The following KCNH1 variants were observed in gnomAD, a reference collection of about 807,000 sequenced individuals.
The protein encoded by KCNH1 is voltage-gated delayed rectifier potassium channel KCNH1.
A neutral mutation model predicts 69.2 loss-of-function variants in KCNH1; 27 were observed. The observed-to-expected ratio is 0.39, with a 90% CI of 0.29 to 0.54. KCNH1 has a LOEUF of 0.54. Among genes scored for constraint, KCNH1 ranks in the 20% least tolerant of loss-of-function variants. The probability of loss-of-function intolerance (pLI) is 0.68; values close to 1 mark genes in which losing one functional copy is unlikely to be tolerated. For missense variants in KCNH1, 798 were observed against 1,261.6 expected, an observed-to-expected ratio of 0.63 and a Z score of 5.57; for synonymous variants, 456 against 487.7, an observed-to-expected ratio of 0.93 and a Z score of 0.86.
chr1:211,128,592 ACT>A (rs138212505), intron 1 of KCNH1, among the ~76,000 whole-genome samples: 7,599 of 151,762 alleles, frequency 0.05, 254 homozygotes, highest in Non-Finnish European at 0.075. Context: ...GTCTGGCAAG[ACT>A]CTATTTCTTG....
intron 7 of KCNH1, among the ~76,000 whole-genome samples, chr1:210,823,044 A>C (rs1027778064): frequency 2.0e-5 from 3 of 152,168 alleles, no homozygotes; most frequent in African/African-American, 4.8e-5. Flanking sequence ...CCTGTATTAC[A>C]CAATGATTTC....
intron 7 of KCNH1, among the ~76,000 whole-genome samples, chr1:210,884,826 C>A (rs893612592): frequency 6.6e-6 from 1 of 152,206 alleles, no homozygotes; most frequent in African/African-American, 2.4e-5. Flanking sequence ...GATGGCTTAA[C>A]GGCATATTCA....
chr1:211,007,828 T>C (rs539917035), intron 6 of KCNH1, among the ~76,000 whole-genome samples: 1 of 152,260 alleles, frequency 6.6e-6, no homozygotes, highest in Admixed American at 6.5e-5. Context: ...GAATCTATTG[T>C]TTATAAAGAA....
At chr1:211,122,082 G>A (rs1483432701) in intron 1 of KCNH1, among the ~76,000 whole-genome samples, 1 of 151,962 alleles carries the variant, frequency 6.6e-6, no homozygotes, top group Admixed American at 6.5e-5. Context: ...GGCTTGCAGT[G>A]AGCCAAGATC....
At chr1:210,784,487 T>C (rs1684053942) in intron 9 of KCNH1, among the ~76,000 whole-genome samples, 1 of 152,166 alleles carries the variant, frequency 6.6e-6, no homozygotes, top group Admixed American at 6.5e-5. Flanking sequence ...TAAGGTCTTA[T>C]CTGATTGTGT....
chr1:210,930,785 A>G (rs748759299), intron 6 of KCNH1, among the ~76,000 whole-genome samples: 8 of 152,244 alleles, frequency 5.3e-5, no homozygotes, highest in Admixed American at 1.3e-4. Context: ...CAATCTATAC[A>G]TCTGACAGAG....
chr1:210,755,373 C>A (rs1307219928), intron 10 of KCNH1, among the ~76,000 whole-genome samples: 1 of 152,226 alleles, frequency 6.6e-6, no homozygotes, highest in Admixed American at 6.5e-5. Context: ...CAGGTTCTAA[C>A]CTGAGAGAAA....
intron 10 of KCNH1, among the ~76,000 whole-genome samples, chr1:210,689,170 G>A (rs1165899358): frequency 6.6e-6 from 1 of 152,188 alleles, no homozygotes; most frequent in Non-Finnish European, 1.5e-5. Context: ...GAGCTGAATG[G>A]AATTGACACT....
intron 10 of KCNH1, among the ~76,000 whole-genome samples, chr1:210,770,215 G>T (rs1451977902): frequency 6.6e-6 from 1 of 151,984 alleles, no homozygotes; most frequent in Non-Finnish European, 1.5e-5. Context: ...GTGTGGGGGG[G>T]TCAAGGGGAG....
intron 9 of KCNH1, among the ~76,000 whole-genome samples, chr1:210,796,311 C>T (rs1269821812): frequency 6.6e-6 from 1 of 152,098 alleles, no homozygotes; most frequent in Non-Finnish European, 1.5e-5. Flanking sequence ...CTCTCATCTA[C>T]AAAATGGGGA....
At chr1:210,765,789 T>C (rs1777262) in intron 10 of KCNH1, among the ~76,000 whole-genome samples, 113,700 of 152,124 alleles carry the variant, frequency 0.75, 42,820 homozygotes, top group African/African-American at 0.82. Context: ...AGGCCAGGTG[T>C]GGTGGCTCAT....
intron 4 of KCNH1, 49 bp downstream of exon 4, chr1:211,090,513 T>G (rs770508871): frequency 6.5e-7 from 1 of 1,531,690 alleles, no homozygotes; most frequent in East Asian, 2.3e-5. Context: ...AGAGCCACAA[T>G]AAAGACAAAA....
At chr1:211,057,174 G>C (rs1167157142) in intron 5 of KCNH1, among the ~76,000 whole-genome samples, 1 of 152,114 alleles carries the variant, frequency 6.6e-6, no homozygotes, top group African/African-American at 2.4e-5. Flanking sequence ...AAACTTAATA[G>C]ATTAAATAAT....
chr1:211,016,991 T>C (rs1689504924), intron 6 of KCNH1, among the ~76,000 whole-genome samples: 1 of 151,944 alleles, frequency 6.6e-6, no homozygotes, highest in Non-Finnish European at 1.5e-5. Context: ...ATTCTGCTCT[T>C]GTAAATGATC....
intron 10 of KCNH1, among the ~76,000 whole-genome samples, chr1:210,773,854 A>G (rs534847610): frequency 2.4e-4 from 37 of 152,186 alleles, no homozygotes; most frequent in Non-Finnish European, 4.6e-4. Flanking sequence ...ATTGGGTTTT[A>G]TATGTCTAGT....
At chr1:211,077,691 C>T (rs573543547) in intron 5 of KCNH1, among the ~76,000 whole-genome samples, 1 of 152,262 alleles carries the variant, frequency 6.6e-6, no homozygotes, top group South Asian at 2.1e-4. Context: ...TAGGAAGAAA[C>T]TGCATCAACT....
At chr1:210,965,190 GA>G (rs1688375304) in intron 6 of KCNH1, among the ~76,000 whole-genome samples, 1 of 152,022 alleles carries the variant, frequency 6.6e-6, no homozygotes, top group Non-Finnish European at 1.5e-5. Flanking sequence ...AAACCAGCAC[GA>G]GACAAGGATG....
chr1:210,935,690 G>A (rs1687764435), intron 6 of KCNH1, among the ~76,000 whole-genome samples: 1 of 152,142 alleles, frequency 6.6e-6, no homozygotes, highest in Non-Finnish European at 1.5e-5. Flanking sequence ...ATTCCATAGA[G>A]TTCTTTAACA....
At chr1:210,895,462 T>C (rs1574323994) in intron 7 of KCNH1, among the ~76,000 whole-genome samples, 1 of 152,250 alleles carries the variant, frequency 6.6e-6, no homozygotes. Flanking sequence ...TTACAGAATC[T>C]CAGGATCTTG....
Sources: allele counts gnomAD v4.1 joint callset (sites outside exome capture counted in the v4.1 genomes callset), GRCh38; gene constraint gnomAD v4.1.1; transcripts MANE v1.5; gene names NCBI Gene and HGNC (gene_info 2026-07-23, HGNC 2026-07-21).